The following NKAIN2 variants were observed in gnomAD, a reference collection of about 807,000 sequenced individuals.
NKAIN2 encodes sodium/potassium transporting ATPase interacting 2.
Under a neutral mutation model 32.6 loss-of-function variants are expected in NKAIN2, and 14 were observed. The observed-to-expected ratio is 0.43, with a 90% CI of 0.28 to 0.67. The LOEUF (loss-of-function observed/expected upper bound fraction) is 0.67, where lower values mean the gene tolerates loss of function less well. Among genes scored for constraint, NKAIN2 ranks in the 30% least tolerant of loss-of-function variants. The pLI, the probability that NKAIN2 is intolerant of heterozygous loss-of-function variation, is 0.17. For synonymous variants in NKAIN2, 80 were observed against 87.2 expected, an observed-to-expected ratio of 0.92 and a Z score of 0.46; for missense variants, 198 against 258.3, an observed-to-expected ratio of 0.77 and a Z score of 1.60.
chr6:124,271,633 T>C (rs370970355), intron 1 of NKAIN2, among the ~76,000 whole-genome samples: 13 of 152,222 alleles, frequency 8.5e-5, no homozygotes, highest in African/African-American at 2.4e-4. Flanking sequence ...AAAGATAACC[T>C]GAAAATGTGG....
At chr6:124,530,184 C>T (rs1051325299) in intron 3 of NKAIN2, among the ~76,000 whole-genome samples, 7 of 152,228 alleles carry the variant, frequency 4.6e-5, no homozygotes, top group African/African-American at 1.7e-4. Context: ...TAATAGCCTA[C>T]TGATGACCAG....
chr6:124,248,147 T>C (rs1793510570), intron 1 of NKAIN2, among the ~76,000 whole-genome samples: 1 of 152,088 alleles, frequency 6.6e-6, no homozygotes, highest in Non-Finnish European at 1.5e-5. Flanking sequence ...GTCAATAAAA[T>C]TTTAATAAGA....
At chr6:124,223,195 A>AGT (rs1211016094) in intron 1 of NKAIN2, among the ~76,000 whole-genome samples, 51 of 133,002 alleles carry the variant, frequency 3.8e-4, no homozygotes, top group African/African-American at 1.4e-3. Context: ...CCTGGGCGAC[A>AGT]GTGTGAGACT....
intron 1 of NKAIN2, among the ~76,000 whole-genome samples, chr6:124,091,210 A>G (rs778341358): frequency 3.8e-4 from 58 of 151,942 alleles, no homozygotes; most frequent in Non-Finnish European, 7.7e-4. Flanking sequence ...ATGTCCCATA[A>G]ACCAGTGAAG....
chr6:123,965,832 T>C (rs976219388), intron 1 of NKAIN2, among the ~76,000 whole-genome samples: 2 of 152,202 alleles, frequency 1.3e-5, no homozygotes, highest in African/African-American at 4.8e-5. Context: ...TCTTATTGAA[T>C]CTATTCTTAA....
At chr6:123,981,118 C>T (rs1447874221) in intron 1 of NKAIN2, among the ~76,000 whole-genome samples, 2 of 152,118 alleles carry the variant, frequency 1.3e-5, no homozygotes, top group Non-Finnish European at 2.9e-5. Context: ...TTGCCCACCT[C>T]GGCCTCTCAA....
chr6:124,440,267 A>G (rs1775634053), intron 3 of NKAIN2, among the ~76,000 whole-genome samples: 1 of 152,008 alleles, frequency 6.6e-6, no homozygotes, highest in Non-Finnish European at 1.5e-5. Context: ...TTTATATAGT[A>G]AGTTATAGAA....
At chr6:124,140,505 C>T (rs1312911921) in intron 1 of NKAIN2, among the ~76,000 whole-genome samples, 11 of 151,944 alleles carry the variant, frequency 7.2e-5, no homozygotes, top group Non-Finnish European at 1.0e-4. Context: ...ATTGAAAATA[C>T]GTGCCATTTT....
intron 1 of NKAIN2, among the ~76,000 whole-genome samples, chr6:124,164,014 A>G (rs1022607219): frequency 2.0e-5 from 3 of 152,030 alleles, no homozygotes; most frequent in African/African-American, 7.2e-5. Flanking sequence ...TCAGTCACCA[A>G]TGGATAGTCC....
chr6:124,231,042 C>A lies in NKAIN2; in HGVS notation c.55-51963C>A, dbSNP rs556667292. 2.6e-5 allele frequency among the ~76,000 whole-genome samples: 4 copies of A among 151,982 alleles called. No homozygotes were observed. The South Asian group carries it at 8.3e-4, about 32-fold the overall frequency. On this transcript the variant is annotated intron_variant, in intron 1 of 6. Transcript: ENST00000368417. ...AAAGCAGCTGAGAGGGAGGCTATAC[C>A]CTGCAAAACTGCAGGGGCAGAGCTA... is the stretch of plus-strand genomic sequence containing the variant.
chr6:123,982,561 T>A (rs1473520593), intron 1 of NKAIN2, among the ~76,000 whole-genome samples: 1 of 152,126 alleles, frequency 6.6e-6, no homozygotes, highest in East Asian at 1.9e-4. Context: ...AGGATTGGGT[T>A]TGAGCTTCCA....
chr6:123,916,189 A>G (rs114629211), intron 1 of NKAIN2, among the ~76,000 whole-genome samples: 1 of 152,164 alleles, frequency 6.6e-6, no homozygotes, highest in Non-Finnish European at 1.5e-5. Context: ...GGTATCATGA[A>G]AGAATTTTAA....
At chr6:124,461,114 C>CA (rs570132331) in intron 3 of NKAIN2, among the ~76,000 whole-genome samples, 5 of 151,910 alleles carry the variant, frequency 3.3e-5, no homozygotes, top group African/African-American at 1.2e-4. Context: ...AGTTTTGACA[C>CA]AAAATGTGTC....
chr6:124,653,095 G>A (rs762866066), intron 3 of NKAIN2, among the ~76,000 whole-genome samples: 18 of 152,108 alleles, frequency 1.2e-4, no homozygotes, highest in African/African-American at 2.9e-4. Flanking sequence ...CAGCTTGATC[G>A]ATAGATTCAT....
chr6:124,113,492 G>A (rs556491829), intron 1 of NKAIN2, among the ~76,000 whole-genome samples: 37 of 152,172 alleles, frequency 2.4e-4, no homozygotes, highest in African/African-American at 8.7e-4. Flanking sequence ...GCTGAGCAGT[G>A]GGGAGTATCA....
intron 1 of NKAIN2, among the ~76,000 whole-genome samples, chr6:123,844,058 G>C (rs1335119570): frequency 3.3e-5 from 5 of 152,142 alleles, no homozygotes. Flanking sequence ...TTATGAGAAG[G>C]CCTCTGCCCT....
intron 1 of NKAIN2, among the ~76,000 whole-genome samples, chr6:123,874,558 G>T (rs753149865): frequency 1.3e-5 from 2 of 151,884 alleles, no homozygotes; most frequent in Non-Finnish European, 2.9e-5. Flanking sequence ...GCTTATTTTG[G>T]CACTAAGTGA....
At chr6:124,509,122 A>G (rs1778610135) in intron 3 of NKAIN2, among the ~76,000 whole-genome samples, 1 of 152,332 alleles carries the variant, frequency 6.6e-6, no homozygotes, top group Non-Finnish European at 1.5e-5. Flanking sequence ...ATAACACTGT[A>G]GAAGTAGTGT....
At chr6:124,605,293 T>C (rs1404758976) in intron 3 of NKAIN2, among the ~76,000 whole-genome samples, 2 of 152,084 alleles carry the variant, frequency 1.3e-5, no homozygotes, top group Admixed American at 6.6e-5. Context: ...GAGGCATGAT[T>C]AACAAGGGCT....
Sources: gnomAD v4.1 joint callset for allele counts (sites outside exome capture counted in the v4.1 genomes callset) on GRCh38, gnomAD v4.1.1 for gene constraint, MANE v1.5 for transcripts, NCBI Gene and HGNC (gene_info 2026-07-23, HGNC 2026-07-21) for gene names.